RUBCNL: variants seen among roughly 807,000 people sequenced by gnomAD.
The protein encoded by RUBCNL is rubicon like autophagy enhancer, also known as protein associated with UVRAG as autophagy enhancer.
A neutral mutation model predicts 69.5 loss-of-function variants in RUBCNL; 62 were observed. The observed-to-expected ratio is 0.89, with a 90% CI of 0.73 to 1.10. RUBCNL has a LOEUF of 1.10. Among genes scored for constraint, RUBCNL ranks in the 50% least tolerant of loss-of-function variants. RUBCNL has a pLI of 0.00. For synonymous variants in RUBCNL, 291 were observed against 303.6 expected (o/e 0.96, Z 0.43); for missense variants, 768 against 798.1 (o/e 0.96, Z 0.45).
chr13:46,356,477 C>T lies in RUBCNL; in HGVS notation c.1285G>A (p.Ala429Thr), dbSNP rs572039893. The T allele has an allele frequency of 2.6e-5, 42 of 1,613,938 alleles. No homozygotes were observed. In the South Asian group the frequency reaches 4.6e-4, roughly 18 times the overall value. Residue 429 changes from alanine to threonine, a missense_variant, in exon 10 of 15, where the codon GCC becomes ACC. Ala to Thr is a moderately conservative substitution (Grantham distance 58). Transcript: ENST00000429979. ...CAGCCGGCACAGAAAAAATTCTGGG[C>T]TGCCACCACAAGGTCCCTCCTGAAT... The part of the protein sequence containing the change: ...PPLKRDLVVA[A>T]QNFFCAGCGT...
At chr13:46,365,436 C>G (rs1658233106) in intron 5 of RUBCNL, among the ~76,000 whole-genome samples, 1 of 151,938 alleles carries the variant, frequency 6.6e-6, no homozygotes, top group African/African-American at 2.4e-5. Context: ...CTGCACTACA[C>G]AACTCCAGGG....
intron 3 of RUBCNL, 99 bp downstream of exon 3, chr13:46,371,842 T>C (rs2048881375): frequency 7.3e-6 from 9 of 1,226,538 alleles, no homozygotes; most frequent in Middle Eastern, 2.0e-4. Flanking sequence ...GATGAGGCAA[T>C]GCATTGTCCC....
intron 1 of RUBCNL, among the ~76,000 whole-genome samples, chr13:46,381,728 A>G (rs2049121240): frequency 6.6e-6 from 1 of 152,138 alleles, no homozygotes; most frequent in Admixed American, 6.5e-5. Context: ...GATTACAGGC[A>G]TGCGCCACCA....
At chr13:46,388,807 C>T (rs1250659858), upstream of RUBCNL, among the ~76,000 whole-genome samples, 1 of 152,188 alleles carries the variant, frequency 6.6e-6, no homozygotes, top group African/African-American at 2.4e-5. Flanking sequence ...TGCCTGGTAC[C>T]TCTGGCATGG....
rs758530121 is a variant in RUBCNL at position 46,344,693 on chromosome 13, TAATTA to T, written c.1876+43_1876+47del. On this transcript the variant is annotated intron_variant, in intron 14 of 14. Transcript: ENST00000429979. ...TGTGCTTAAGTTACTAAACTTAGTT[TAATTA>T]GTTAACCTATTATTAAGCTTATGTT... 1.4e-5 allele frequency: 17 copies of T among 1,247,916 alleles called. No homozygotes were observed. The African/African-American group carries it at 2.3e-4, about 17-fold the overall frequency. The allele number at this position is 1,247,916 out of a possible 1,614,324, so 77.3% of individuals were successfully genotyped here.
In RUBCNL at chr13:46,377,884, A is replaced by G. The variant is rs1566089980; in HGVS notation, c.-123+6T>C. 5 of 1,568,622 alleles carry G rather than the reference A, an allele frequency of 3.2e-6. No homozygotes were observed. Among genetic ancestry groups the G allele is most frequent in the Non-Finnish European group, 3.5e-6 (4 of 1,142,870 alleles). Reference sequence around the variant, plus strand: ...GAGAAGACAAAAGGCCAGGTCGGACACTCACCAGGAGTATGAATTTCTCGA... The same window carrying G: ...GAGAAGACAAAAGGCCAGGTCGGACGCTCACCAGGAGTATGAATTTCTCGA... On this transcript the variant is annotated splice_donor_region_variant and intron_variant, in intron 2 of 14. Coordinates refer to ENST00000429979, the MANE Select transcript of RUBCNL (RefSeq NM_025113.5).
upstream of RUBCNL, chr13:46,387,443 G>T (rs953020347): frequency 8.1e-6 from 8 of 985,408 alleles, no homozygotes; most frequent in African/African-American, 1.0e-4. Context: ...CGGTGCCGCG[G>T]CGCCCGGGCC....
chr13:46,368,699 C>A (rs1309015381), intron 4 of RUBCNL, 34 bp downstream of exon 4: 1 of 1,556,506 alleles, frequency 6.4e-7, no homozygotes, highest in South Asian at 1.1e-5. Context: ...AGGATTAAGA[C>A]TCTATGGTTA....
chr13:46,367,941 C>G, intron 5 of RUBCNL, 101 bp downstream of exon 5: 1 of 1,135,756 alleles, frequency 8.8e-7, no homozygotes, highest in Non-Finnish European at 1.3e-6. Context: ...CAGGCTTCCA[C>G]TGGGAGTCTT....
rs1299504489 is a variant in RUBCNL at position 46,334,690 on chromosome 13, A to G, written c.*8695T>C. Among the ~76,000 whole-genome samples the G allele has an allele frequency of 1.6e-5, 2 of 125,756 alleles. No homozygotes were observed. Among genetic ancestry groups the G allele is most frequent in the Non-Finnish European group, 4.0e-5 (2 of 50,430 alleles). The allele number at this position is 125,756 out of a possible 152,430, so 82.5% of individuals were successfully genotyped here. ...CAGGGGAGCTTGGAGGCCAGGGGGA[A>G]AAAAAACACTGAATTTTATACACAA... is the stretch of plus-strand genomic sequence containing the variant. On this transcript the variant is annotated 3_prime_UTR_variant, in exon 15 of 15. Transcript: ENST00000429979.
chr13:46,360,136 C>T (rs1314048520), intron 8 of RUBCNL, among the ~76,000 whole-genome samples: 1 of 152,104 alleles, frequency 6.6e-6, no homozygotes, highest in Non-Finnish European at 1.5e-5. Flanking sequence ...TGCTTGTTTT[C>T]CTAGCACTTT....
intron 1 of RUBCNL, among the ~76,000 whole-genome samples, chr13:46,386,154 T>C (rs950868679): frequency 6.6e-6 from 1 of 151,986 alleles, no homozygotes; most frequent in Non-Finnish European, 1.5e-5. Context: ...TCAAAACACT[T>C]CCCTCCCTCC....
chr13:46,356,336 C>A, intron 10 of RUBCNL, 96 bp downstream of exon 10: 1 of 1,193,858 alleles, frequency 8.4e-7, no homozygotes, highest in South Asian at 1.4e-5. Context: ...AACTTCTCAT[C>A]AAAGGCATCT....
chr13:46,356,785 C>T (rs1314117878), intron 9 of RUBCNL, among the ~76,000 whole-genome samples: 2 of 151,936 alleles, frequency 1.3e-5, no homozygotes, highest in African/African-American at 4.8e-5. Flanking sequence ...TTCACTACTG[C>T]CTCAAACTCC....
At chr13:46,357,426 C>T (rs575204603) in intron 9 of RUBCNL, among the ~76,000 whole-genome samples, 25 of 151,684 alleles carry the variant, frequency 1.6e-4, no homozygotes, top group African/African-American at 4.6e-4. Context: ...TCTCGATGCC[C>T]GTGTACAGGG....
At chr13:46,373,205 C>T (rs1264580022) in intron 2 of RUBCNL, among the ~76,000 whole-genome samples, 2 of 152,104 alleles carry the variant, frequency 1.3e-5, no homozygotes, top group African/African-American at 4.8e-5. Flanking sequence ...AACTCCTGAC[C>T]TCAGGTGATC....
rs2048105956 is a variant in RUBCNL, at chr13:46,336,509, TCAC to T, written c.*6873_*6875del. Among the ~76,000 whole-genome samples, 3 of 152,214 alleles carry T rather than the reference TCAC, an allele frequency of 2.0e-5. No individual in the cohort carries two copies. The highest frequency in any genetic ancestry group is 2.9e-5 in the Non-Finnish European group (2 of 68,048). Reference sequence around the variant, plus strand: ...TTCTAATCCCACTATACAGAGATAATCACCACCACAATATGATGAAATTCATTA... The same window carrying T: ...TTCTAATCCCACTATACAGAGATAATCACCACAATATGATGAAATTCATTA... On this transcript the variant is annotated 3_prime_UTR_variant, in exon 15 of 15. Coordinates refer to ENST00000429979, the MANE Select transcript of RUBCNL (RefSeq NM_025113.5).
rs371406454 is a variant in RUBCNL, at chr13:46,343,447, G to A, written c.1927C>T (p.Arg643Trp). ...KQCFQSSECP[R>W]CARITARRKL... ...CTCCTCGCTGTGATCCTCGCACACC[G>A]GGGGCACTCGGAGGACTGGAAGCAC... The change falls in exon 15 of 15, where the codon CGG (arginine) becomes TGG (tryptophan). Residue 643 changes from arginine to tryptophan, a missense_variant. Transcript: ENST00000429979. 1.5e-5 allele frequency: 24 copies of A among 1,613,710 alleles called. No homozygotes were observed. In the South Asian group the frequency reaches 1.5e-4, roughly 10 times the overall value.
chr13:46,360,568 C>G (rs2048588430), intron 8 of RUBCNL, among the ~76,000 whole-genome samples: 1 of 152,204 alleles, frequency 6.6e-6, no homozygotes. Flanking sequence ...CGTCCTCCCC[C>G]AACCTTTCTA....
Sources: gnomAD v4.1 joint callset for allele counts (sites outside exome capture counted in the v4.1 genomes callset) on GRCh38, gnomAD v4.1.1 for gene constraint, MANE v1.5 for transcripts, NCBI Gene and HGNC (gene_info 2026-07-23, HGNC 2026-07-21) for gene names.